HMGXB4: variants seen among roughly 807,000 people sequenced by gnomAD.
HMGXB4 encodes HMG domain-containing protein 4.
A neutral mutation model predicts 63.9 loss-of-function variants in HMGXB4; 27 were observed. The observed-to-expected ratio is 0.42, with a 90% CI of 0.31 to 0.58. HMGXB4 has a LOEUF of 0.58. Among genes scored for constraint, HMGXB4 ranks in the 20% least tolerant of loss-of-function variants. The pLI is 0.13. For synonymous variants in HMGXB4, 264 were observed against 265.3 expected, an observed-to-expected ratio of 0.99 and a Z score of 0.05; for missense variants, 624 against 700.7, an observed-to-expected ratio of 0.89 and a Z score of 1.24.
At chr22:35,288,159 G>A in intron 8 of HMGXB4, 79 bp from the exon 9 acceptor site, 2 of 1,237,138 alleles carry the variant, frequency 1.6e-6, no homozygotes, top group Non-Finnish European at 2.1e-6. Flanking sequence ...CATAAAAAGG[G>A]AAAATCAGGA....
At chr22:35,260,661 T>C (rs1922791059) in intron 1 of HMGXB4, among the ~76,000 whole-genome samples, 1 of 152,276 alleles carries the variant, frequency 6.6e-6, no homozygotes, top group South Asian at 2.1e-4. Flanking sequence ...GTTTCATTAC[T>C]CTAGCTTCTC....
chr22:35,279,567 A>G (rs1174359794), intron 5 of HMGXB4, among the ~76,000 whole-genome samples: 2 of 151,808 alleles, frequency 1.3e-5, no homozygotes, highest in East Asian at 1.9e-4. Flanking sequence ...CAAGCTCAAG[A>G]TCATCTCCTG....
chr22:35,259,823 GTAATTTA>G (rs1394613430), intron 1 of HMGXB4, among the ~76,000 whole-genome samples: 1 of 152,154 alleles, frequency 6.6e-6, no homozygotes, highest in Non-Finnish European at 1.5e-5. Context: ...ATTTAATCCA[GTAATTTA>G]TAAAATGCTC....
rs905985987 is a variant in HMGXB4 at position 35,293,722 on chromosome 22, A to T, written c.*71A>T. ...GTTTGTGTATATATGACTGTTGCAG[A>T]TTCCTTCAGTGGCCTCTGGCTGTAG... On this transcript the variant is annotated 3_prime_UTR_variant, in exon 11 of 11. Transcript: ENST00000216106. The T allele has an allele frequency of 1.4e-5, 16 of 1,150,982 alleles. No homozygotes were observed. In the Middle Eastern group the frequency reaches 7.8e-4, roughly 56 times the overall value. The allele number at this position is 1,150,982 out of a possible 1,614,324, so 71.3% of individuals were successfully genotyped here. A position where few individuals can be genotyped will look rare whatever the true frequency, so the allele number is the denominator to read the frequency against.
chr22:35,262,423 T>C lies in HMGXB4; in HGVS notation c.31+2T>C. 1 of 1,613,670 alleles carries C rather than the reference T, an allele frequency of 6.2e-7. No homozygotes were observed. The highest frequency in any genetic ancestry group is 2.2e-5 in the East Asian group (1 of 44,872). ...ATGATGACTCCGTGAAGAAAGAAGGTATGACCCCATAATCTGAGAAGCATT... is the reference window on the plus strand; with the variant it reads ...ATGATGACTCCGTGAAGAAAGAAGGCATGACCCCATAATCTGAGAAGCATT... On this transcript the variant is annotated splice_donor_variant, in intron 2 of 10. Coordinates refer to ENST00000216106, the MANE Select transcript of HMGXB4 (RefSeq NM_001003681.3). LOFTEE classifies it high-confidence loss of function.
At chr22:35,289,457 CT>C (rs1347130229) in intron 9 of HMGXB4, among the ~76,000 whole-genome samples, 1 of 152,050 alleles carries the variant, frequency 6.6e-6, no homozygotes, top group Non-Finnish European at 1.5e-5. Flanking sequence ...AAGACCCTAT[CT>C]TTTTTAAAAA....
chr22:35,246,864 A>G, the HMGXB4 span, among the ~76,000 whole-genome samples: 1 of 152,348 alleles, frequency 6.6e-6, no homozygotes, highest in Admixed American at 6.5e-5. Flanking sequence ...CATCCACGCC[A>G]TCTTCCTGGA....
At chr22:35,284,912 A>G (rs1286615664) in intron 6 of HMGXB4, among the ~76,000 whole-genome samples, 15 of 152,246 alleles carry the variant, frequency 9.9e-5, no homozygotes, top group Non-Finnish European at 1.5e-5. Flanking sequence ...GCACACATGA[A>G]TATGCTTTAT....
intron 6 of HMGXB4, among the ~76,000 whole-genome samples, chr22:35,285,787 T>TTGAGAC (rs1488683853): frequency 6.6e-6 from 1 of 152,124 alleles, no homozygotes; most frequent in Non-Finnish European, 1.5e-5. Context: ...GGGTTACGAG[T>TTGAGAC]TGAGACTGTC....
intron 8 of HMGXB4, 46 bp from the exon 9 acceptor site, chr22:35,288,192 G>A: frequency 1.4e-6 from 2 of 1,389,670 alleles, no homozygotes; most frequent in South Asian, 1.8e-5. Context: ...TGTTGTTCAA[G>A]GCTGTAGGCA....
intron 1 of HMGXB4, 43 bp from the exon 2 acceptor site, chr22:35,262,278 CAG>C: frequency 9.4e-7 from 1 of 1,067,994 alleles, no homozygotes. Context: ...TGCTTCTCCT[CAG>C]TGATTTCGCA....
At chr22:35,291,877 TACTG>T (rs2145575788) in intron 9 of HMGXB4, among the ~76,000 whole-genome samples, 1 of 152,318 alleles carries the variant, frequency 6.6e-6, no homozygotes, top group South Asian at 2.1e-4. Context: ...CTTAACCTCT[TACTG>T]TACTGCTGCC....
At chr22:35,268,201 A>G (rs1300250768) in intron 5 of HMGXB4, among the ~76,000 whole-genome samples, 2 of 152,220 alleles carry the variant, frequency 1.3e-5, no homozygotes, top group African/African-American at 2.4e-5. Context: ...AGACATTACC[A>G]TCATCCCAGA....
chr22:35,244,789 G>T, the HMGXB4 span, among the ~76,000 whole-genome samples: 1 of 152,208 alleles, frequency 6.6e-6, no homozygotes, highest in African/African-American at 2.4e-5. Context: ...ACAGCAGCAG[G>T]GTAAACACGT....
intron 5 of HMGXB4, among the ~76,000 whole-genome samples, chr22:35,272,176 A>C (rs999422794): frequency 6.6e-6 from 1 of 152,182 alleles, no homozygotes; most frequent in Admixed American, 6.5e-5. Flanking sequence ...GGGGGCGGCT[A>C]TGTTGGAGGA....
chr22:35,278,721 T>C (rs1924053587), intron 5 of HMGXB4, among the ~76,000 whole-genome samples: 1 of 151,534 alleles, frequency 6.6e-6, no homozygotes, highest in African/African-American at 2.4e-5. Flanking sequence ...CAATCCTAGC[T>C]CACTACAGCC....
At chr22:35,251,672 T>A in the HMGXB4 span, among the ~76,000 whole-genome samples, 1 of 152,190 alleles carries the variant, frequency 6.6e-6, no homozygotes, top group Non-Finnish European at 1.5e-5. Context: ...TCAAATTAGA[T>A]TATTTTCGTG....
At chr22:35,287,931 A>G (rs1235307114) in intron 8 of HMGXB4, among the ~76,000 whole-genome samples, 3 of 152,124 alleles carry the variant, frequency 2.0e-5, no homozygotes, top group African/African-American at 4.8e-5. Context: ...CTGGGCAACA[A>G]GAGCAAAACT....
At position 35,263,096 on chromosome 22, in the gene HMGXB4, A is replaced by G; in HGVS notation, c.50A>G (p.His17Arg). Residue 17 changes from histidine (H) to arginine (R), a missense_variant, in exon 3 of 11, where the codon CAT becomes CGT. His to Arg is a conservative substitution (Grantham distance 29). Coordinates refer to ENST00000216106, the MANE Select transcript of HMGXB4 (RefSeq NM_001003681.3). ...TTCTCAGATTGTTTTGATGGTGATC[A>G]TACCTTTGAGGACATAGGACTTGCA... Reference protein sequence around the residue: ...VKKEDCFDGDHTFEDIGLAAG... With the variant: ...VKKEDCFDGDRTFEDIGLAAG... 8.1e-6 allele frequency: 13 copies of G among 1,613,820 alleles called. No homozygotes were observed. Among genetic ancestry groups the G allele is most frequent in the East Asian group, 2.2e-5 (1 of 44,884 alleles).
Sources: gnomAD v4.1 joint callset for allele counts (sites outside exome capture counted in the v4.1 genomes callset) on GRCh38, gnomAD v4.1.1 for gene constraint, MANE v1.5 for transcripts, NCBI Gene and HGNC (gene_info 2026-07-23, HGNC 2026-07-21) for gene names.